FAM149A: variants seen among roughly 807,000 people sequenced by gnomAD.
FAM149A encodes the protein protein FAM149A.
A neutral mutation model predicts 78.2 loss-of-function variants in FAM149A; 71 were observed. That is an observed-to-expected ratio of 0.91 (90% CI 0.75 to 1.11). The LOEUF is 1.11. Among genes scored for constraint, FAM149A ranks in the 50% least tolerant of loss-of-function variants. The probability of loss-of-function intolerance (pLI) is 0.00; values close to 1 mark genes in which losing one functional copy is unlikely to be tolerated. For missense variants in FAM149A, 1,036 were observed against 971.0 expected, an observed-to-expected ratio of 1.07 and a Z score of -0.89; for synonymous variants, 446 against 410.5, an observed-to-expected ratio of 1.09 and a Z score of -1.04.
At chr4:186,119,268 G>A (rs1452388118) in intron 1 of FAM149A, among the ~76,000 whole-genome samples, 1 of 152,142 alleles carries the variant, frequency 6.6e-6, no homozygotes, top group Non-Finnish European at 1.5e-5. Flanking sequence ...CATGTACTAC[G>A]TAGTACTCGT....
rs1218077973 is a variant in FAM149A, at chr4:186,162,746, C to T, written c.1576-99C>T. 16 of 650,820 alleles carry T rather than the reference C, an allele frequency of 2.5e-5. No homozygotes were observed. The East Asian group carries it at 3.5e-4, about 14-fold the overall frequency. The allele number at this position is 650,820 out of a possible 1,614,324, so 40.3% of individuals were successfully genotyped here. A position where few individuals can be genotyped will look rare whatever the true frequency, so the allele number is the denominator to read the frequency against. ...TCCTCCAGTTAGCTGGTGAGTGTGC[C>T]GGGTGTTTCCTGCTGATTTCGGACA... is the stretch of plus-strand genomic sequence containing the variant. On this transcript the variant is annotated intron_variant, in intron 8 of 13. Coordinates refer to ENST00000389354, the MANE Select transcript of FAM149A (RefSeq NM_001367768.3).
chr4:186,133,251 C>T (rs2099321530), intron 1 of FAM149A: 2 of 929,554 alleles, frequency 2.2e-6, no homozygotes, highest in Non-Finnish European at 2.6e-6. Context: ...CATTTAGTGG[C>T]ATTAAGTACC....
At chr4:186,124,245 T>C in intron 1 of FAM149A, 1 of 981,004 alleles carries the variant, frequency 1.0e-6, no homozygotes, top group Non-Finnish European at 1.2e-6. Flanking sequence ...CATTTTTGTT[T>C]TTTGGGTTAA....
rs1317253111 is a variant in FAM149A, at chr4:186,173,224, T to A, written c.*1237T>A. Among the ~76,000 whole-genome samples the A allele has an allele frequency of 8.8e-6, 1 of 113,238 alleles. No homozygotes were observed. The highest frequency in any genetic ancestry group is 8.6e-5 in the Admixed American group (1 of 11,678). The allele number at this position is 113,238 out of a possible 152,430, so 74.3% of individuals were successfully genotyped here. A position where few individuals can be genotyped will look rare whatever the true frequency, so the allele number is the denominator to read the frequency against. ...GAAGGGATCATTGCCTACTAGTAGA[T>A]GTCTGAAATTTTAAAAGATGTGTTG... On this transcript the variant is annotated 3_prime_UTR_variant, in exon 14 of 14. Transcript: ENST00000389354.
chr4:186,165,201 A>G lies in FAM149A; in HGVS notation c.1890-143A>G. The G allele has an allele frequency of 1.2e-5, 10 of 828,778 alleles. No homozygotes were observed. In the South Asian group the frequency reaches 1.4e-4, roughly 12 times the overall value. The allele number at this position is 828,778 out of a possible 1,614,324, so 51.3% of individuals were successfully genotyped here. The stretch of plus-strand genomic sequence containing the variant: ...TATAAGTTCCCTGGGGAGCATCCGG[A>G]TAATACCACACATAGCAGAAATCAA... On this transcript the variant is annotated intron_variant, in intron 10 of 13. Transcript: ENST00000389354.
At chr4:186,118,209 A>G in intron 1 of FAM149A, 4 of 985,444 alleles carry the variant, frequency 4.1e-6, no homozygotes, top group Non-Finnish European at 4.8e-6. Context: ...ACCACGCAAG[A>G]TGGGAGTGCT....
At chr4:186,171,817 A>G in intron 13 of FAM149A, 97 bp from the exon 14 acceptor site, 1 of 806,026 alleles carries the variant, frequency 1.2e-6, no homozygotes, top group East Asian at 3.2e-5. Context: ...TAAAATATAT[A>G]TTTTAAAGTA....
At chr4:186,128,978 GGTGT>G in intron 1 of FAM149A, among the ~76,000 whole-genome samples, 1 of 151,418 alleles carries the variant, frequency 6.6e-6, no homozygotes, top group South Asian at 2.1e-4. Context: ...TGTCTTTTTT[GGTGT>G]GTGTGTGTCC....
In FAM149A at chr4:186,104,885, G is replaced by C. The variant is rs1356654691; in HGVS notation, c.-192G>C. On this transcript the variant is annotated 5_prime_UTR_variant, in exon 1 of 14. Coordinates refer to ENST00000389354, the MANE Select transcript of FAM149A (RefSeq NM_001367768.3). ...CCGCAGCCGGGGCGCTCGGCGGACG[G>C]ACCCGGGCCGGGGAAGGGCGACCCC... 3.4e-6 allele frequency: 3 copies of C among 878,844 alleles called. No individual in the cohort carries two copies. Among genetic ancestry groups the C allele is most frequent in the Non-Finnish European group, 4.1e-6 (3 of 732,750 alleles). The allele number at this position is 878,844 out of a possible 1,614,324, so 54.4% of individuals were successfully genotyped here. A position where few individuals can be genotyped will look rare whatever the true frequency, so the allele number is the denominator to read the frequency against.
chr4:186,157,986 G>A, intron 8 of FAM149A: 2 of 1,498,216 alleles, frequency 1.3e-6, no homozygotes, highest in Non-Finnish European at 1.8e-6. Context: ...CACCACCCTT[G>A]GCTTCCAGAT....
At chr4:186,165,568 C>G in intron 11 of FAM149A, 104 bp downstream of exon 11, 1 of 1,131,590 alleles carries the variant, frequency 8.8e-7, no homozygotes, top group East Asian at 2.5e-5. Context: ...AACATGAGAT[C>G]TGAGTAGCTG....
rs761106791 is a variant in FAM149A at position 186,152,052 on chromosome 4, C to T, written c.932+7C>T. 6.2e-7 allele frequency: 1 copy of T among 1,613,234 alleles called. No individual in the cohort carries two copies. Among genetic ancestry groups the T allele is most frequent in the Admixed American group, 1.7e-5 (1 of 60,016 alleles). On this transcript the variant is annotated splice_region_variant and intron_variant, in intron 4 of 13. Transcript: ENST00000389354. ...GAAGATCCCTCCATTTGAGGTGGGA[C>T]CTTGGTGGTGGAAGTTCTCTGGGGT...
chr4:186,163,042 G>C, intron 9 of FAM149A, 94 bp downstream of exon 9: 2 of 780,622 alleles, frequency 2.6e-6, no homozygotes, highest in Non-Finnish European at 2.2e-6. Context: ...GATCACGAAG[G>C]TCCCATTTAA....
chr4:186,110,325 C>T (rs2099310670), intron 1 of FAM149A: 1 of 980,638 alleles, frequency 1.0e-6, no homozygotes, highest in Admixed American at 6.3e-5. Context: ...ATGCTTGCTG[C>T]TGGGACTTAG....
At chr4:186,140,746 C>T (rs1036815099) in intron 1 of FAM149A, among the ~76,000 whole-genome samples, 12 of 152,232 alleles carry the variant, frequency 7.9e-5, no homozygotes, top group Middle Eastern at 3.4e-3. Flanking sequence ...CTTTTCAATT[C>T]TCAATTAGGG....
At position 186,163,057 on chromosome 4, in the gene FAM149A, G is replaced by A. The variant is rs80325625; in HGVS notation, c.1679+109G>A. ...GATCACGAAGGTCCCATTTAATCCC[G>A]TGCTTCAGATGTGCCTGAGCACGTC... On this transcript the variant is annotated intron_variant, in intron 9 of 13. Transcript: ENST00000389354. The A allele has an allele frequency of 3.4e-3, 2,420 of 715,502 alleles. 53 individuals are homozygous for A. The African/African-American group carries it at 0.039, about 12-fold the overall frequency. 44.3% of individuals were successfully genotyped at this position (715,502 alleles called of 1,614,324 possible).
At chr4:186,150,043 GA>G (rs1287242329) in intron 3 of FAM149A, among the ~76,000 whole-genome samples, 1 of 152,140 alleles carries the variant, frequency 6.6e-6, no homozygotes, top group Non-Finnish European at 1.5e-5. Flanking sequence ...AGAAATGCTG[GA>G]AAAGTAAAAG....
intron 1 of FAM149A, among the ~76,000 whole-genome samples, chr4:186,148,546 G>T (rs151199916): frequency 2.0e-5 from 3 of 152,258 alleles, no homozygotes; most frequent in African/African-American, 7.2e-5. Flanking sequence ...ATGATTAACA[G>T]GAACTGTGCT....
intron 3 of FAM149A, chr4:186,151,597 T>G: frequency 3.4e-6 from 1 of 297,190 alleles, no homozygotes; most frequent in Non-Finnish European, 5.0e-6. Context: ...TCTACGCTGA[T>G]GTCTGTGGCA....
Sources: gnomAD v4.1 joint callset for allele counts (sites outside exome capture counted in the v4.1 genomes callset) on GRCh38, gnomAD v4.1.1 for gene constraint, MANE v1.5 for transcripts, NCBI Gene and HGNC (gene_info 2026-07-23, HGNC 2026-07-21) for gene names.